Variants in SSX2IP observed in about 807,000 individuals in gnomAD.
The protein encoded by SSX2IP is afadin- and alpha-actinin-binding protein.
In SSX2IP, 55 loss-of-function variants were observed where a neutral mutation model predicts 84.9. That is an observed-to-expected ratio of 0.65 (90% CI 0.52 to 0.81). The LOEUF is 0.81. Ranked by LOEUF, SSX2IP falls within the 30% of genes least tolerant of loss-of-function variation. The pLI is 0.00. For synonymous variants in SSX2IP, 239 were observed against 234.7 expected (o/e 1.02, Z -0.17); for missense variants, 664 against 705.2 (o/e 0.94, Z 0.66).
intron 10 of SSX2IP, 111 bp from the exon 11 acceptor site, chr1:84,656,116 T>C (rs1651065169): frequency 2.7e-6 from 3 of 1,093,788 alleles, no homozygotes; most frequent in South Asian, 1.6e-5. Context: ...ATAGAAATTA[T>C]TAAGAATCAA....
chr1:84,669,786 A>T lies in SSX2IP; in HGVS notation c.321T>A (p.Leu107=). ...CTAGAAGGTTCTTCCGCTGAAGCAC[A>T]AGCAGCTCATTCATACAATTTAGTA... ...VAVLNCMNEL[L]VLQRKNLLAQ... is the part of the protein sequence containing the mutation. Residue 107 remains leucine (L), a synonymous_variant, in exon 4 of 14, where the codon CTT becomes CTA. Transcript: ENST00000342203. 6.2e-7 allele frequency: 1 copy of T among 1,613,808 alleles called. No individual in the cohort carries two copies. The highest frequency in any genetic ancestry group is 1.7e-4 in the Middle Eastern group (1 of 6,060).
chr1:84,668,148 G>C (rs2102401874), intron 4 of SSX2IP, among the ~76,000 whole-genome samples: 1 of 152,266 alleles, frequency 6.6e-6, no homozygotes, highest in Non-Finnish European at 1.5e-5. Context: ...ACATCCTGAA[G>C]AAACAGTCTC....
intron 1 of SSX2IP, among the ~76,000 whole-genome samples, chr1:84,681,327 C>A (rs965120853): frequency 1.3e-5 from 2 of 151,990 alleles, no homozygotes; most frequent in African/African-American, 4.8e-5. Flanking sequence ...TGTTAAAAAC[C>A]AACACATATG....
chr1:84,656,153 C>T (rs1651075304), intron 10 of SSX2IP, 148 bp from the exon 11 acceptor site: 8 of 955,550 alleles, frequency 8.4e-6, no homozygotes, highest in Admixed American at 2.9e-5. Context: ...TCTCATTTCC[C>T]GAAACCTACT....
At chr1:84,666,880 A>G (rs1557499362) in intron 4 of SSX2IP, among the ~76,000 whole-genome samples, 1 of 152,162 alleles carries the variant, frequency 6.6e-6, no homozygotes, top group South Asian at 2.1e-4. Flanking sequence ...GGCCACCCAT[A>G]TGGAATATTT....
chr1:84,684,375 G>C (rs942123195), intron 1 of SSX2IP, among the ~76,000 whole-genome samples: 8 of 152,110 alleles, frequency 5.3e-5, no homozygotes, highest in African/African-American at 1.2e-4. Flanking sequence ...CTTTCAATTA[G>C]AGAACACCAA....
intron 1 of SSX2IP, among the ~76,000 whole-genome samples, chr1:84,686,092 C>A (rs1312430164): frequency 6.6e-6 from 1 of 152,204 alleles, no homozygotes; most frequent in Non-Finnish European, 1.5e-5. Context: ...CTATTTGTAG[C>A]ACCGTGGCAC....
rs756800633 is a variant in SSX2IP, at chr1:84,655,960, G to A, written c.1261C>T (p.Arg421Ter). 28 of 1,613,418 alleles carry A rather than the reference G, an allele frequency of 1.7e-5. No individual in the cohort carries two copies. Among genetic ancestry groups the A allele is most frequent in the Non-Finnish European group, 2.3e-5 (27 of 1,179,884 alleles). ...TTTTCTTCCAACAAATAACAGTCTC[G>A]TAATAGTGAAGTGGTATCATCATCA... ...AYDDDTTSLL[R>*]DCYLLEEKER... is the part of the protein sequence containing the mutation. The change falls in exon 11 of 14, where the codon CGA (arginine) becomes TGA (stop). Residue 421 changes from arginine to a stop codon, truncating the protein, a stop_gained. Transcript: ENST00000342203. LOFTEE classifies it high-confidence loss of function.
intron 1 of SSX2IP, among the ~76,000 whole-genome samples, chr1:84,675,717 C>T (rs992545755): frequency 5.3e-5 from 8 of 152,144 alleles, no homozygotes; most frequent in African/African-American, 1.2e-4. Flanking sequence ...CTATTATTTA[C>T]GTAAAAATGC....
chr1:84,676,060 GCAAAATAAGCTTTCTAAATTCCAAGATA>G (rs1654285820), intron 1 of SSX2IP, among the ~76,000 whole-genome samples: 1 of 152,180 alleles, frequency 6.6e-6, no homozygotes, highest in South Asian at 2.1e-4. Context: ...TTTAACCTTG[GCAAAATAAGCTTTCTAAATTCCAAGATA>G]CAGCTACCCA....
chr1:84,677,807 G>C (rs1284492529), intron 1 of SSX2IP, among the ~76,000 whole-genome samples: 1 of 152,090 alleles, frequency 6.6e-6, no homozygotes, highest in Non-Finnish European at 1.5e-5. Context: ...ATACAAGTGA[G>C]TTTAGAACTA....
At chr1:84,689,237 A>T (rs1656235290) in intron 1 of SSX2IP, among the ~76,000 whole-genome samples, 1 of 152,204 alleles carries the variant, frequency 6.6e-6, no homozygotes. Flanking sequence ...AATTCTTTAC[A>T]AATTTTATTC....
intron 11 of SSX2IP, among the ~76,000 whole-genome samples, chr1:84,653,390 T>G (rs1008604407): frequency 6.6e-6 from 1 of 152,154 alleles, no homozygotes; most frequent in African/African-American, 2.4e-5. Context: ...AACCTCCCCC[T>G]TCTGAATAGC....
At chr1:84,656,132 C>G in intron 10 of SSX2IP, 127 bp from the exon 11 acceptor site, 1 of 1,023,042 alleles carries the variant, frequency 9.8e-7, no homozygotes, top group East Asian at 2.6e-5. Context: ...ATCAAAAAGT[C>G]AAATGAGAAT....
chr1:84,673,495 T>C (rs150693646), intron 1 of SSX2IP, among the ~76,000 whole-genome samples: 20 of 152,340 alleles, frequency 1.3e-4, no homozygotes, highest in African/African-American at 4.3e-4. Flanking sequence ...TGAAAATCTA[T>C]TGATGTGTTT....
chr1:84,687,837 G>A (rs983990202), intron 1 of SSX2IP, among the ~76,000 whole-genome samples: 1 of 152,132 alleles, frequency 6.6e-6, no homozygotes, highest in Non-Finnish European at 1.5e-5. Context: ...ACCCCACCCT[G>A]GTCCAACTCT....
chr1:84,664,191 T>C (rs1221395879), intron 6 of SSX2IP, among the ~76,000 whole-genome samples: 2 of 152,178 alleles, frequency 1.3e-5, no homozygotes, highest in Non-Finnish European at 2.9e-5. Flanking sequence ...AATTCTACAC[T>C]GGTCATGTTA....
chr1:84,665,750 T>C (rs906710939), intron 5 of SSX2IP, among the ~76,000 whole-genome samples: 4 of 152,168 alleles, frequency 2.6e-5, no homozygotes, highest in African/African-American at 7.2e-5. Flanking sequence ...AGACAGTGCA[T>C]GCAAGAAGGG....
chr1:84,672,161 A>G (rs1653669511), intron 1 of SSX2IP, among the ~76,000 whole-genome samples: 1 of 151,996 alleles, frequency 6.6e-6, no homozygotes, highest in Non-Finnish European at 1.5e-5. Context: ...CCATCATAAG[A>G]AAAACAATTC....
Sources: gnomAD v4.1 joint callset for allele counts (sites outside exome capture counted in the v4.1 genomes callset) on GRCh38, gnomAD v4.1.1 for gene constraint, MANE v1.5 for transcripts, NCBI Gene and HGNC (gene_info 2026-07-23, HGNC 2026-07-21) for gene names.